FREM1: variants seen among roughly 807,000 people sequenced by gnomAD.
The protein encoded by FREM1 is FRAS1-related extracellular matrix protein 1.
Under a neutral mutation model 210.1 loss-of-function variants are expected in FREM1, and 220 were observed. The observed-to-expected ratio is 1.05, with a 90% CI of 0.94 to 1.17. The LOEUF (loss-of-function observed/expected upper bound fraction) is 1.17. Among genes scored for constraint, FREM1 ranks in the 50% most tolerant of loss-of-function variants. The pLI is 0.00. For synonymous variants in FREM1, 1,189 were observed against 980.2 expected (o/e 1.21, Z -3.98); for missense variants, 3,454 against 2,675.5 (o/e 1.29, Z -6.42).
At chr9:14,752,904 T>A (rs181223316) in intron 29 of FREM1, among the ~76,000 whole-genome samples, 2 of 152,324 alleles carry the variant, frequency 1.3e-5, no homozygotes, top group East Asian at 3.9e-4. Flanking sequence ...TTGTTGGACC[T>A]TACGGAGTAG....
chr9:14,800,377 C>T (rs1399629828), intron 20 of FREM1, among the ~76,000 whole-genome samples: 1 of 152,166 alleles, frequency 6.6e-6, no homozygotes, highest in South Asian at 2.1e-4. Context: ...AATTCAGGAA[C>T]CGCACACTTT....
rs761938696 is a variant in FREM1 at position 14,756,446 on chromosome 9, C to A, written c.5335G>T (p.Val1779Phe). The change falls in exon 29 of 37, where the codon GTC (valine) becomes TTC (phenylalanine). Residue 1779 changes from valine to phenylalanine, a missense_variant and splice_region_variant. Transcript: ENST00000380880. ...CCAACTGCAGCTGACACTTGGTTGACCTTAGGAGGGAAAAAAAAATCTTTT... is the reference window on the plus strand; with the variant it reads ...CCAACTGCAGCTGACACTTGGTTGAACTTAGGAGGGAAAAAAAAATCTTTT... ...SMDSAFVGIK[V>F]NQVSAAVGKD... The A allele has an allele frequency of 2.5e-6, 4 of 1,588,254 alleles. No individual in the cohort carries two copies. The highest frequency in any genetic ancestry group is 3.4e-6 in the Non-Finnish European group (4 of 1,166,670).
Position 14,869,084 on chromosome 9 carries a change from G to T in FREM1, c.-107C>A. 1.5e-6 allele frequency: 1 copy of T among 687,438 alleles called. No homozygotes were observed. The highest frequency in any genetic ancestry group is 2.4e-6 in the Non-Finnish European group (1 of 420,868). The allele number at this position is 687,438 out of a possible 1,614,324, so 42.6% of individuals were successfully genotyped here. A position where few individuals can be genotyped will look rare whatever the true frequency, so the allele number is the denominator to read the frequency against. ...CAGCTCATAGTCCAAGGGGCAGGGT[G>T]AGGGGTCCTGACAATGTGCCCCGAG... On this transcript the variant is annotated 5_prime_UTR_variant, in exon 2 of 37. Transcript: ENST00000380880.
intron 2 of FREM1, 147 bp from the exon 3 acceptor site, chr9:14,864,050 C>T (rs1831079089): frequency 1.6e-6 from 1 of 628,218 alleles, no homozygotes; most frequent in Non-Finnish European, 2.9e-6. Flanking sequence ...CCACCACCAC[C>T]TCTACCCTAC....
chr9:14,847,232 C>A (rs1003105501), intron 7 of FREM1, among the ~76,000 whole-genome samples: 2 of 152,122 alleles, frequency 1.3e-5, no homozygotes, highest in African/African-American at 4.8e-5. Flanking sequence ...GCAGAGCAAT[C>A]TGCTTTATCT....
chr9:14,786,507 G>A (rs1850447227), intron 23 of FREM1, among the ~76,000 whole-genome samples: 1 of 152,092 alleles, frequency 6.6e-6, no homozygotes, highest in African/African-American at 2.4e-5. Context: ...GGTTCTCAAC[G>A]ACAGGCAATT....
At chr9:14,808,993 C>A (rs1818891462) in intron 16 of FREM1, among the ~76,000 whole-genome samples, 1 of 152,144 alleles carries the variant, frequency 6.6e-6, no homozygotes, top group African/African-American at 2.4e-5. Flanking sequence ...TTTGGTTGTT[C>A]CCCCGCTCAA....
At chr9:14,741,930 G>C (rs984978589) in intron 35 of FREM1, among the ~76,000 whole-genome samples, 2 of 152,056 alleles carry the variant, frequency 1.3e-5, no homozygotes, top group Admixed American at 1.3e-4. Context: ...GTACAATTTC[G>C]GTTTTCTTTT....
At chr9:14,852,437 C>T (rs969466742) in intron 5 of FREM1, among the ~76,000 whole-genome samples, 4 of 152,118 alleles carry the variant, frequency 2.6e-5, no homozygotes, top group Non-Finnish European at 5.9e-5. Flanking sequence ...CCTGCAATCC[C>T]AGCACTCTGG....
intron 3 of FREM1, among the ~76,000 whole-genome samples, chr9:14,860,780 T>TATGCACATATATACATATATAC (rs1554707469): frequency 3.0e-4 from 26 of 85,782 alleles, no homozygotes; most frequent in African/African-American, 1.4e-3. Context: ...TACACATATA[T>TATGCACATATATACATATATAC]ACATATATAC....
intron 3 of FREM1, among the ~76,000 whole-genome samples, chr9:14,860,739 A>ACATATATATGCG (rs1829838041): frequency 7.5e-6 from 1 of 132,644 alleles, no homozygotes; most frequent in Admixed American, 7.9e-5. Flanking sequence ...ACATATATAC[A>ACATATATATGCG]CATATATATG....
intron 10 of FREM1, 65 bp downstream of exon 10, chr9:14,841,382 C>G: frequency 2.3e-6 from 3 of 1,324,282 alleles, no homozygotes; most frequent in Non-Finnish European, 3.1e-6. Context: ...GGTTTCTAAC[C>G]ACATCTCCTA....
In FREM1 at chr9:14,836,122, A is replaced by G. The variant is rs1323846398; in HGVS notation, c.1881+5325T>C. ...TGGGAAAATAAAACCAAGGAACTTCATAGACCCCCAAAGGGGAGTTCTCTA... is the reference window on the plus strand; with the variant it reads ...TGGGAAAATAAAACCAAGGAACTTCGTAGACCCCCAAAGGGGAGTTCTCTA... On this transcript the variant is annotated intron_variant, in intron 10 of 36. Transcript: ENST00000380880. This position sits in a 1 kb window ranked among gnomAD's most constrained non-coding sequence, Gnocchi z 4.9. 6.6e-6 allele frequency among the ~76,000 whole-genome samples: 1 copy of G among 152,240 alleles called. No individual in the cohort carries two copies. The highest frequency in any genetic ancestry group is 1.5e-5 in the Non-Finnish European group (1 of 68,048).
chr9:14,902,576 G>A (rs143397098), intron 1 of FREM1, among the ~76,000 whole-genome samples: 9 of 152,276 alleles, frequency 5.9e-5, no homozygotes, highest in African/African-American at 1.9e-4. Context: ...TGATGGTGAG[G>A]CCACATAGTA....
intron 18 of FREM1, 82 bp from the exon 19 acceptor site, chr9:14,805,234 G>C (rs1014277710): frequency 7.0e-6 from 5 of 714,420 alleles, no homozygotes; most frequent in Admixed American, 5.3e-5. Context: ...CCCAATAATA[G>C]TCAATTTCTC....
chr9:14,742,099 C>T (rs1841674278), intron 35 of FREM1, among the ~76,000 whole-genome samples: 1 of 152,054 alleles, frequency 6.6e-6, no homozygotes. Context: ...TTATTTTATG[C>T]TCACATACAT....
chr9:14,872,976 G>A (rs1310750983), intron 1 of FREM1, among the ~76,000 whole-genome samples: 4 of 150,402 alleles, frequency 2.7e-5, no homozygotes, highest in Non-Finnish European at 6.0e-5. Context: ...TACATTTATT[G>A]ATTTGCGTAT....
intron 16 of FREM1, 51 bp downstream of exon 16, chr9:14,812,761 A>G: frequency 6.5e-7 from 1 of 1,540,276 alleles, no homozygotes. Flanking sequence ...TGAGGAGTGG[A>G]GACTCTCATG....
chr9:14,799,472 A>G (rs1853106381), intron 20 of FREM1, among the ~76,000 whole-genome samples: 1 of 152,116 alleles, frequency 6.6e-6, no homozygotes, highest in Non-Finnish European at 1.5e-5. Flanking sequence ...CAAAATATCA[A>G]CCCAAATACT....
Sources: gnomAD v4.1 joint callset for allele counts (sites outside exome capture counted in the v4.1 genomes callset) on GRCh38, gnomAD v4.1.1 for gene constraint, Gnocchi (gnomAD v3.1) non-coding constraint, MANE v1.5 for transcripts, NCBI Gene and HGNC (gene_info 2026-07-23, HGNC 2026-07-21) for gene names.